Variants in MARCHF7 observed in about 807,000 individuals in gnomAD.
MARCHF7 encodes the protein membrane associated ring-CH-type finger 7, also known as E3 ubiquitin-protein ligase MARCHF7.
In MARCHF7, 20 loss-of-function variants were observed where a neutral mutation model predicts 76.5. The observed-to-expected ratio is 0.26, with a 90% CI of 0.18 to 0.38. The LOEUF is 0.38. MARCHF7 is among the 10% of genes least tolerant of loss of function. The pLI, the probability that MARCHF7 is intolerant of heterozygous loss-of-function variation, is 1.00. For synonymous variants in MARCHF7, 295 were observed against 293.0 expected, an observed-to-expected ratio of 1.01 and a Z score of -0.07; for missense variants, 797 against 812.9, an observed-to-expected ratio of 0.98 and a Z score of 0.24.
intron 3 of MARCHF7, among the ~76,000 whole-genome samples, chr2:159,723,932 C>T (rs1336958699): frequency 2.6e-5 from 4 of 152,076 alleles, no homozygotes; most frequent in Non-Finnish European, 4.4e-5. Context: ...TGCTCCAGTC[C>T]GAATTGTTTG....
chr2:159,728,255 TG>T (rs1407050484), intron 3 of MARCHF7, among the ~76,000 whole-genome samples: 1 of 152,248 alleles, frequency 6.6e-6, no homozygotes, highest in Non-Finnish European at 1.5e-5. Context: ...AGGTCTTTAC[TG>T]TCAGACCTTG....
chr2:159,737,609 C>A (rs1284897001), intron 4 of MARCHF7, among the ~76,000 whole-genome samples: 1 of 152,104 alleles, frequency 6.6e-6, no homozygotes, highest in African/African-American at 2.4e-5. Flanking sequence ...CATAGTGAGA[C>A]CCAGTCTCTA....
intron 4 of MARCHF7, among the ~76,000 whole-genome samples, chr2:159,742,298 T>G (rs1263430969): frequency 2.6e-5 from 4 of 152,102 alleles, no homozygotes; most frequent in Non-Finnish European, 2.9e-5. Flanking sequence ...TATGACCGTA[T>G]TCTGGAGACT....
intron 8 of MARCHF7, among the ~76,000 whole-genome samples, chr2:159,755,039 CT>C (rs1706116757): frequency 6.6e-6 from 1 of 152,062 alleles, no homozygotes; most frequent in South Asian, 2.1e-4. Context: ...GCTGGTGGGT[CT>C]TTTGCCAGGC....
chr2:159,721,595 G>A (rs991745675), intron 3 of MARCHF7, among the ~76,000 whole-genome samples: 5 of 152,122 alleles, frequency 3.3e-5, no homozygotes, highest in African/African-American at 1.2e-4. Context: ...AATACCAATC[G>A]TACGATTTTT....
chr2:159,751,143 G>A (rs781458252), intron 7 of MARCHF7, among the ~76,000 whole-genome samples: 8 of 152,122 alleles, frequency 5.3e-5, no homozygotes, highest in Non-Finnish European at 1.5e-5. Flanking sequence ...GTCTGCTAAG[G>A]GATGTAGTAA....
chr2:159,736,380 T>A (rs1468650716), intron 4 of MARCHF7, among the ~76,000 whole-genome samples: 1 of 152,210 alleles, frequency 6.6e-6, no homozygotes, highest in South Asian at 2.1e-4. Context: ...ATGTTATACA[T>A]CTTTTCATGT....
At position 159,734,118 on chromosome 2, in the gene MARCHF7, A is replaced by G. The variant is rs189580762; in HGVS notation, c.153+4943A>G. 3,384 of 1,242,004 alleles carry G rather than the reference A, an allele frequency of 2.7e-3. 51 individuals carry two copies. The highest frequency in any genetic ancestry group is 1.6e-3 in the Non-Finnish European group (1,513 of 943,628). 76.9% of individuals were successfully genotyped at this position (1,242,004 alleles called of 1,614,324 possible). A position where few individuals can be genotyped will look rare whatever the true frequency, so the allele number is the denominator to read the frequency against. The stretch of plus-strand genomic sequence containing the variant: ...TTTACATGTTTTTAAAGGAAAATTT[A>G]ATTTCTATAAATATTGTTAAAAAGG... On this transcript the variant is annotated intron_variant, in intron 4 of 11. Transcript: ENST00000409175.
rs539847978 is a variant in MARCHF7 at position 159,719,020 on chromosome 2, ACT to A, written c.-15+3257_-15+3258del. ...TATTATTATTTTCAGAAAGTGTCTC[ACT>A]CTGATGCAGTGGCGCGATCTCCGCT... On this transcript the variant is annotated intron_variant, in intron 3 of 11. Coordinates refer to ENST00000409175, the MANE Select transcript of MARCHF7 (RefSeq NM_001282805.2). 8.4e-4 allele frequency among the ~76,000 whole-genome samples: 127 copies of A among 152,052 alleles called. No individual in the cohort carries two copies. In the Middle Eastern group the frequency reaches 0.044, roughly 53 times the overall value.
intron 3 of MARCHF7, among the ~76,000 whole-genome samples, chr2:159,717,228 G>A (rs1335678080): frequency 1.3e-5 from 2 of 152,170 alleles, no homozygotes; most frequent in Non-Finnish European, 2.9e-5. Context: ...GGGTGGGGAA[G>A]TAAGACTGCC....
Position 159,748,496 on chromosome 2 carries a change from G to A in MARCHF7, c.1206G>A (p.Arg402=). 1 of 1,614,082 alleles carries A rather than the reference G, an allele frequency of 6.2e-7. No individual in the cohort carries two copies. Among genetic ancestry groups the A allele is most frequent in the Non-Finnish European group, 8.5e-7 (1 of 1,179,962 alleles). Residue 402 remains arginine, a synonymous_variant, in exon 7 of 12, where the codon AGG becomes AGA. Transcript: ENST00000409175. Reference sequence around the variant, plus strand: ...GCACACCTTTGTTCTCTAGAAGGAGGCGAGAGGGAAGAGATGAATCTTCAA... The same window carrying A: ...GCACACCTTTGTTCTCTAGAAGGAGACGAGAGGGAAGAGATGAATCTTCAA... ...NRCTPLFSRR[R]REGRDESSRI...
intron 8 of MARCHF7, among the ~76,000 whole-genome samples, chr2:159,753,745 A>G (rs1226877787): frequency 6.6e-6 from 1 of 152,234 alleles, no homozygotes; most frequent in Non-Finnish European, 1.5e-5. Flanking sequence ...GAGACGAACC[A>G]GGAGTCTATT....
At chr2:159,733,138 T>C in intron 4 of MARCHF7, 1 of 704,052 alleles carries the variant, frequency 1.4e-6, no homozygotes, top group Non-Finnish European at 1.7e-6. Flanking sequence ...TAAGATAATA[T>C]CTGTAGGGTA....
chr2:159,735,647 A>G (rs926195650), intron 4 of MARCHF7, among the ~76,000 whole-genome samples: 2 of 152,216 alleles, frequency 1.3e-5, no homozygotes, highest in Admixed American at 6.5e-5. Flanking sequence ...ATATTGTAGC[A>G]TATGTCAGTA....
Position 159,733,525 on chromosome 2 carries a change from A to G in MARCHF7, c.153+4350A>G, listed in dbSNP as rs1574279636. ...GGTGCTGGGATTACAGGCATGAGCTACTGCACCTGGCCAGAGGCAACATTA... is the reference window on the plus strand; with the variant it reads ...GGTGCTGGGATTACAGGCATGAGCTGCTGCACCTGGCCAGAGGCAACATTA... On this transcript the variant is annotated intron_variant, in intron 4 of 11. Coordinates refer to ENST00000409175, the MANE Select transcript of MARCHF7 (RefSeq NM_001282805.2). 9 of 983,336 alleles carry G rather than the reference A, an allele frequency of 9.2e-6. 1 individual carries two copies. The South Asian group carries it at 3.3e-4, about 36-fold the overall frequency. The allele number at this position is 983,336 out of a possible 1,614,324, so 60.9% of individuals were successfully genotyped here.
intron 4 of MARCHF7, among the ~76,000 whole-genome samples, chr2:159,729,766 C>T (rs981215643): frequency 1.3e-5 from 2 of 152,084 alleles, no homozygotes; most frequent in Admixed American, 1.3e-4. Flanking sequence ...ATGTGAATGG[C>T]TTTGTCAGAG....
intron 4 of MARCHF7, among the ~76,000 whole-genome samples, chr2:159,738,863 C>G (rs1703783407): frequency 6.6e-6 from 1 of 152,228 alleles, no homozygotes; most frequent in African/African-American, 2.4e-5. Context: ...AGGAGCATGT[C>G]TGCCTCCTGC....
chr2:159,732,902 T>G, intron 4 of MARCHF7: 1 of 985,264 alleles, frequency 1.0e-6, no homozygotes, highest in Non-Finnish European at 1.2e-6. Context: ...TACAGCCACA[T>G]CTATATGTGA....
chr2:159,749,104 G>A (rs760617417), intron 7 of MARCHF7, among the ~76,000 whole-genome samples: 53 of 147,490 alleles, frequency 3.6e-4, no homozygotes, highest in African/African-American at 1.3e-3. Context: ...TCAGCCTCCC[G>A]AGTAGCTGGG....
Sources: allele counts gnomAD v4.1 joint callset (sites outside exome capture counted in the v4.1 genomes callset), GRCh38; gene constraint gnomAD v4.1.1; transcripts MANE v1.5; gene names NCBI Gene and HGNC (gene_info 2026-07-23, HGNC 2026-07-21).